Variants in DIP2C observed in about 807,000 individuals in gnomAD.
The protein encoded by DIP2C is DIP2 acetate--CoA ligase C (putative), also known as disco-interacting protein 2 homolog C.
A neutral mutation model predicts 192.4 loss-of-function variants in DIP2C; 33 were observed. The ratio of observed to expected loss-of-function variants is 0.17; its 90% confidence interval spans 0.13 to 0.23. The LOEUF is 0.23. DIP2C is among the 10% of genes least tolerant of loss of function. The pLI is 1.00. For synonymous variants in DIP2C, 979 were observed against 864.1 expected, an observed-to-expected ratio of 1.13 and a Z score of -2.33; for missense variants, 1,537 against 2,110.1, an observed-to-expected ratio of 0.73 and a Z score of 5.32.
intron 8 of DIP2C, among the ~76,000 whole-genome samples, chr10:413,140 G>T (rs1429801337): frequency 6.6e-6 from 1 of 152,102 alleles, no homozygotes; most frequent in East Asian, 1.9e-4. Context: ...CAGCCTTTTA[G>T]TTACTACTTT....
intron 9 of DIP2C, among the ~76,000 whole-genome samples, chr10:406,258 A>C (rs1177182206): frequency 6.6e-6 from 1 of 152,246 alleles, no homozygotes; most frequent in Non-Finnish European, 1.5e-5. Flanking sequence ...TTACGATTCT[A>C]ACAATTTTTA....
chr10:645,013 A>G (rs188232188), intron 1 of DIP2C, among the ~76,000 whole-genome samples: 16 of 152,354 alleles, frequency 1.1e-4, no homozygotes, highest in Admixed American at 7.2e-4. Flanking sequence ...TAAAAGCTGG[A>G]TGTTCCCGAC....
At chr10:337,714 C>CA (rs1957918672) in intron 29 of DIP2C, among the ~76,000 whole-genome samples, 5 of 141,788 alleles carry the variant, frequency 3.5e-5, no homozygotes, top group South Asian at 4.5e-4. Context: ...GTTGTGGAGG[C>CA]CTAGGCTGAT....
At chr10:568,938 C>CA in intron 1 of DIP2C, among the ~76,000 whole-genome samples, 1 of 152,172 alleles carries the variant, frequency 6.6e-6, no homozygotes, top group South Asian at 2.1e-4. Flanking sequence ...AGATGGCCTG[C>CA]AACAAGGAGG....
rs144925120 is a variant in DIP2C, at chr10:325,478, C to T, written c.3924+1528G>A. Among the ~76,000 whole-genome samples the T allele has an allele frequency of 1.1e-3, 161 of 152,290 alleles. 1 individual carries two copies. Among genetic ancestry groups the T allele is most frequent in the African/African-American group, 3.8e-3 (157 of 41,554 alleles). ...ACATTTTAAGAGACAAAGCCAGAAG[C>T]AGCAGCCTCGCCATGGCCAGTGCCA... On this transcript the variant is annotated intron_variant, in intron 31 of 36. Coordinates refer to ENST00000280886, the MANE Select transcript of DIP2C (RefSeq NM_014974.3).
intron 1 of DIP2C, among the ~76,000 whole-genome samples, chr10:565,670 TA>T (rs1849426849): frequency 6.6e-6 from 1 of 152,214 alleles, no homozygotes; most frequent in African/African-American, 2.4e-5. Flanking sequence ...GCTTCATTTT[TA>T]AAGGTATATC....
Position 356,083 on chromosome 10 carries a change from A to T in DIP2C, c.2985+343T>A, listed in dbSNP as rs1959066737. Among the ~76,000 whole-genome samples, 3 of 152,330 alleles carry T rather than the reference A, an allele frequency of 2.0e-5. No individual in the cohort carries two copies. The South Asian group carries it at 6.2e-4, about 32-fold the overall frequency. ...CAACAGAGCGAGACTGCCTCAAAAC[A>T]CAAAACAAAACAAAAACTAGTTTAG... is the stretch of plus-strand genomic sequence containing the variant. On this transcript the variant is annotated intron_variant, in intron 24 of 36. Coordinates refer to ENST00000280886, the MANE Select transcript of DIP2C (RefSeq NM_014974.3).
intron 1 of DIP2C, among the ~76,000 whole-genome samples, chr10:511,169 C>A (rs1845988430): frequency 6.6e-6 from 1 of 152,196 alleles, no homozygotes; most frequent in African/African-American, 2.4e-5. Flanking sequence ...AACACACTGT[C>A]GCGATGCTGC....
intron 1 of DIP2C, among the ~76,000 whole-genome samples, chr10:507,039 G>A (rs971772233): frequency 6.6e-5 from 10 of 151,628 alleles, no homozygotes; most frequent in Middle Eastern, 3.2e-3. Flanking sequence ...TCACGGACCC[G>A]GTCACCCATT....
chr10:309,248 A>C (rs910443677), intron 32 of DIP2C, among the ~76,000 whole-genome samples: 1 of 150,912 alleles, frequency 6.6e-6, no homozygotes, highest in African/African-American at 2.4e-5. Context: ...ATCCTGCTCA[A>C]CCCCATGCCT....
chr10:528,882 G>A (rs936362617), intron 1 of DIP2C, among the ~76,000 whole-genome samples: 1 of 152,160 alleles, frequency 6.6e-6, no homozygotes. Flanking sequence ...CTCTCACTGT[G>A]GAACTTCCTA....
intron 1 of DIP2C, among the ~76,000 whole-genome samples, chr10:507,442 G>A (rs907033777): frequency 2.0e-5 from 3 of 151,018 alleles, no homozygotes; most frequent in Admixed American, 1.3e-4. Context: ...CTGGTCACCC[G>A]CTATGCACAG....
At chr10:431,419 C>G (rs1458216279) in intron 4 of DIP2C, among the ~76,000 whole-genome samples, 1 of 152,098 alleles carries the variant, frequency 6.6e-6, no homozygotes, top group African/African-American at 2.4e-5. Context: ...CCTGAGTATT[C>G]CATTTTGGGG....
rs565724485 is a variant in DIP2C at position 342,867 on chromosome 10, A to G, written c.3454-1538T>C. Among the ~76,000 whole-genome samples, 9 of 152,310 alleles carry G rather than the reference A, an allele frequency of 5.9e-5. No individual in the cohort carries two copies. The East Asian group carries it at 1.5e-3, about 26-fold the overall frequency. ...CCCCCTACAGTCTGTGTGTAATGTC[A>G]ATTATTTTGAAATACAATAAAATAT... On this transcript the variant is annotated intron_variant, in intron 28 of 36. Transcript: ENST00000280886.
chr10:527,771 A>G (rs1458803475), intron 1 of DIP2C, among the ~76,000 whole-genome samples: 2 of 152,234 alleles, frequency 1.3e-5, no homozygotes, highest in African/African-American at 4.8e-5. Flanking sequence ...TCTCCTCTGT[A>G]CAACAGAAAA....
chr10:288,658 G>T (rs1955294635), intron 32 of DIP2C, among the ~76,000 whole-genome samples: 1 of 152,186 alleles, frequency 6.6e-6, no homozygotes, highest in Non-Finnish European at 1.5e-5. Flanking sequence ...AAAGTAACTG[G>T]GAAAATGACT....
At chr10:536,291 G>T (rs991900476) in intron 1 of DIP2C, among the ~76,000 whole-genome samples, 8 of 152,224 alleles carry the variant, frequency 5.3e-5, no homozygotes, top group Admixed American at 5.2e-4. Flanking sequence ...CAGCCATTGG[G>T]ACGTAGGACC....
chr10:552,981 G>C (rs1848659905), intron 1 of DIP2C, among the ~76,000 whole-genome samples: 1 of 152,272 alleles, frequency 6.6e-6, no homozygotes. Flanking sequence ...GAGGGGATCA[G>C]CCACCCTAGG....
rs145742841 is a variant in DIP2C at position 389,982 on chromosome 10, G to C, written c.1597+9C>G. On this transcript the variant is annotated intron_variant, in intron 13 of 36. Coordinates refer to ENST00000280886, the MANE Select transcript of DIP2C (RefSeq NM_014974.3). ...CAGGGTCCCAAGGAGTCAGGGTCTGGCACCCCACCTTCCGTGTAGCCACAC... is the reference window on the plus strand; with the variant it reads ...CAGGGTCCCAAGGAGTCAGGGTCTGCCACCCCACCTTCCGTGTAGCCACAC... The C allele has an allele frequency of 3.1e-4, 502 of 1,609,328 alleles. 2 individuals are homozygous for C. The African/African-American group carries it at 6.0e-3, about 19-fold the overall frequency.
Sources: allele counts gnomAD v4.1 joint callset (sites outside exome capture counted in the v4.1 genomes callset), GRCh38; gene constraint gnomAD v4.1.1; transcripts MANE v1.5; gene names NCBI Gene and HGNC (gene_info 2026-07-23, HGNC 2026-07-21).